Variants in ZCCHC14 observed in about 807,000 individuals in gnomAD.
ZCCHC14 encodes zinc finger CCHC-type containing 14.
ZCCHC14 carries 16 observed loss-of-function variants against 85.0 expected under a neutral mutation model. The observed-to-expected ratio is 0.19, with a 90% CI of 0.13 to 0.29. The LOEUF is 0.29. Ranked by LOEUF, ZCCHC14 falls within the 10% of genes least tolerant of loss-of-function variation. The pLI, the probability that ZCCHC14 is intolerant of heterozygous loss-of-function variation, is 1.00. For missense variants in ZCCHC14, 1,303 were observed against 1,443.5 expected (o/e 0.90, Z 1.58); for synonymous variants, 775 against 630.7 (o/e 1.23, Z -3.43).
rs1049190378 is a variant in ZCCHC14, at chr16:87,409,048, C to T, written c.*1232G>A. On this transcript the variant is annotated 3_prime_UTR_variant, in exon 13 of 13. Coordinates refer to ENST00000671377, the MANE Select transcript of ZCCHC14 (RefSeq NM_015144.3). ...GAAATTTAGAGATCTACAGTGAGGA[C>T]TTTTATTACTACCTAACCAAAACCA... is the stretch of plus-strand genomic sequence containing the variant. The T allele has an allele frequency of 6.6e-6, 1 of 152,550 alleles. No individual in the cohort carries two copies. Among genetic ancestry groups the T allele is most frequent in the African/African-American group, 2.4e-5 (1 of 41,444 alleles). 9.4% of individuals were successfully genotyped at this position (152,550 alleles called of 1,614,324 possible).
Position 87,408,329 on chromosome 16 carries a change from A to G in ZCCHC14, c.*1951T>C, listed in dbSNP as rs557196761. 14 of 152,518 alleles carry G rather than the reference A, an allele frequency of 9.2e-5. No homozygotes were observed. Among genetic ancestry groups the G allele is most frequent in the Non-Finnish European group, 1.9e-4 (13 of 68,038 alleles). The allele number at this position is 152,518 out of a possible 1,614,324, so 9.4% of individuals were successfully genotyped here. On this transcript the variant is annotated 3_prime_UTR_variant, in exon 13 of 13. Transcript: ENST00000671377. ...TTGCTTAAAAAAACCAAAAAATTTA[A>G]AAGTTTGGCTTTCAGCACATATCCA...
At chr16:87,460,592 A>G (rs1911211378) in intron 1 of ZCCHC14, among the ~76,000 whole-genome samples, 2 of 152,180 alleles carry the variant, frequency 1.3e-5, no homozygotes, top group South Asian at 4.1e-4. Flanking sequence ...CGGGAGGCTG[A>G]CGTGGGAGGA....
intron 8 of ZCCHC14, among the ~76,000 whole-genome samples, chr16:87,417,091 T>G (rs1398370678): frequency 2.0e-5 from 3 of 152,288 alleles, no homozygotes; most frequent in South Asian, 4.1e-4. Flanking sequence ...TTCCTCTAGA[T>G]CTGGCCCGCC....
At chr16:87,468,617 G>C (rs969928512) in intron 1 of ZCCHC14, among the ~76,000 whole-genome samples, 3 of 152,192 alleles carry the variant, frequency 2.0e-5, no homozygotes, top group Non-Finnish European at 4.4e-5. Flanking sequence ...CACACTGTTA[G>C]ATGTTTTTCC....
intron 2 of ZCCHC14, among the ~76,000 whole-genome samples, chr16:87,459,511 A>AT (rs11385063): frequency 0.17 from 24,179 of 140,402 alleles, 2,656 homozygotes; most frequent in South Asian, 0.59. Context: ...GGCCTGGCTA[A>AT]TTTTTTTTTT....
At chr16:87,443,500 C>T (rs542246487) in intron 2 of ZCCHC14, among the ~76,000 whole-genome samples, 10 of 152,238 alleles carry the variant, frequency 6.6e-5, no homozygotes, top group Non-Finnish European at 8.8e-5. Flanking sequence ...CTTTGGGAGG[C>T]CAAGGCAGAA....
At chr16:87,427,226 T>C (rs1351047796) in intron 3 of ZCCHC14, among the ~76,000 whole-genome samples, 22 of 152,336 alleles carry the variant, frequency 1.4e-4, no homozygotes, top group Non-Finnish European at 5.9e-5. Context: ...CCCCCAACCT[T>C]GGAGGGCAGG....
chr16:87,421,533 T>G (rs1909094797), intron 4 of ZCCHC14, among the ~76,000 whole-genome samples: 1 of 152,096 alleles, frequency 6.6e-6, no homozygotes, highest in Admixed American at 6.6e-5. Context: ...AGGATCAGGC[T>G]GGGCTGCAAG....
At chr16:87,422,209 C>T (rs1374572111) in intron 4 of ZCCHC14, among the ~76,000 whole-genome samples, 1 of 152,126 alleles carries the variant, frequency 6.6e-6, no homozygotes, top group Non-Finnish European at 1.5e-5. Flanking sequence ...GAAATGAGGA[C>T]TTGAGTACAT....
chr16:87,483,103 G>A (rs1478499411), intron 1 of ZCCHC14, among the ~76,000 whole-genome samples: 1 of 151,684 alleles, frequency 6.6e-6, no homozygotes, highest in Non-Finnish European at 1.5e-5. Flanking sequence ...TAAAAACCCA[G>A]AAAACAAATA....
chr16:87,492,155 G>A lies in ZCCHC14; in HGVS notation c.84C>T (p.Phe28=). ...TGCACAGGTCCAGCAGGCCGCACAG[G>A]AACTCCACGCGCTGCGGCGACGGCA... The part of the protein sequence containing the change: ...SELPSPQRVE[F]LCGLLDLCIP... The change falls in exon 1 of 13, where the codon TTC becomes TTT. Residue 28 remains phenylalanine, a synonymous_variant. Coordinates refer to ENST00000671377, the MANE Select transcript of ZCCHC14 (RefSeq NM_015144.3). The surrounding 1 kb of genome is among the most constrained non-coding windows in gnomAD (Gnocchi z 6.7). The A allele has an allele frequency of 4.8e-6, 6 of 1,259,476 alleles. No individual in the cohort carries two copies. Among genetic ancestry groups the A allele is most frequent in the South Asian group, 1.9e-5 (1 of 53,286 alleles). The allele number at this position is 1,259,476 out of a possible 1,614,324, so 78.0% of individuals were successfully genotyped here.
At chr16:87,486,237 G>C (rs1912507343) in intron 1 of ZCCHC14, among the ~76,000 whole-genome samples, 1 of 152,204 alleles carries the variant, frequency 6.6e-6, no homozygotes, top group East Asian at 1.9e-4. Context: ...AAAGCAATCA[G>C]AACTGCATCC....
intron 2 of ZCCHC14, among the ~76,000 whole-genome samples, chr16:87,449,904 G>A (rs1324745178): frequency 6.6e-6 from 1 of 152,172 alleles, no homozygotes; most frequent in Non-Finnish European, 1.5e-5. Context: ...AATTACCTGG[G>A]TGTGGTGGTG....
intron 2 of ZCCHC14, among the ~76,000 whole-genome samples, chr16:87,450,284 TCTCA>T (rs1910634120): frequency 6.6e-6 from 1 of 152,230 alleles, no homozygotes; most frequent in Admixed American, 6.5e-5. Context: ...CAACTGACTT[TCTCA>T]CTTTCATTTG....
At chr16:87,419,062 T>C (rs925997900) in intron 6 of ZCCHC14, among the ~76,000 whole-genome samples, 161 bp from the exon 7 acceptor site, 15 of 152,092 alleles carry the variant, frequency 9.9e-5, no homozygotes, top group African/African-American at 3.6e-4. Context: ...GTTCAAGTGA[T>C]TCTCCTGCCT....
chr16:87,412,422 G>C lies in ZCCHC14; in HGVS notation c.2299C>G (p.Leu767Val), dbSNP rs1483906875. ...TTGATGGGCGGACGGGCGGCGTGGAGGACTGTGCTGGGCGTCCCCGTGGCG... is the reference window on the plus strand; with the variant it reads ...TTGATGGGCGGACGGGCGGCGTGGACGACTGTGCTGGGCGTCCCCGTGGCG... ...TAATGTPSTV[L>V]HAARPPIKLL... is the part of the protein sequence containing the mutation. The change falls in exon 12 of 13, where the codon CTC becomes GTC. Residue 767 changes from leucine to valine, a missense_variant. Around this residue, in one of 7 missense-constraint regions of ZCCHC14, gnomAD observed 797 missense variants for 730.8 expected, o/e 1.09. Coordinates refer to ENST00000671377, the MANE Select transcript of ZCCHC14 (RefSeq NM_015144.3). 2 of 1,614,042 alleles carry C rather than the reference G, an allele frequency of 1.2e-6. No homozygotes were observed. The highest frequency in any genetic ancestry group is 1.3e-5 in the African/African-American group (1 of 74,940).
intron 1 of ZCCHC14, chr16:87,467,567 C>T (rs1175508215): frequency 4.1e-5 from 63 of 1,549,000 alleles, no homozygotes; most frequent in South Asian, 2.7e-4. Context: ...CACCAATTCC[C>T]GTTGGTTCTG....
In ZCCHC14 at chr16:87,419,810, A is replaced by C. The variant is rs200469030; in HGVS notation, c.1018T>G (p.Ser340Ala). 1.4e-5 allele frequency: 23 copies of C among 1,611,120 alleles called. No individual in the cohort carries two copies. Among genetic ancestry groups the C allele is most frequent in the Non-Finnish European group, 2.0e-5 (23 of 1,178,906 alleles). Residue 340 changes from serine (S) to alanine (A), a missense_variant, in exon 6 of 13, where the codon TCT becomes GCT. By Grantham distance (99) the Ser-to-Ala change is moderately conservative. This residue lies in a region of ZCCHC14 where 389 missense variants were observed against 397.8 expected (regional missense o/e 0.98). Transcript: ENST00000671377. ...DHVRRFLSTS[S>A]PPQQLQSPSP... ...GGACTCTGAAGCTGCTGTGGGGGAG[A>C]GGAAGTGCTGAGAAACCTCCTGACA... is the stretch of plus-strand genomic sequence containing the variant.
Position 87,491,352 on chromosome 16 carries a change from G to A in ZCCHC14, c.570+317C>T, listed in dbSNP as rs1912756660. ...GTGCGGTCTTGGGGCTTAAAGTGCA[G>A]ACTTAGGGTGAGGAGTGCGGGCTTA... On this transcript the variant is annotated intron_variant, in intron 1 of 12. Transcript: ENST00000671377. This position sits in a 1 kb window ranked among gnomAD's most constrained non-coding sequence, Gnocchi z 5.9. 1.3e-5 allele frequency among the ~76,000 whole-genome samples: 2 copies of A among 152,204 alleles called. No individual in the cohort carries two copies. The highest frequency in any genetic ancestry group is 1.3e-4 in the Admixed American group (2 of 15,284).
Sources: allele counts gnomAD v4.1 joint callset (sites outside exome capture counted in the v4.1 genomes callset), GRCh38; gene constraint gnomAD v4.1.1; regional missense constraint gnomAD v4.1.1; non-coding constraint Gnocchi (gnomAD v3.1); transcripts MANE v1.5; gene names NCBI Gene and HGNC (gene_info 2026-07-23, HGNC 2026-07-21).